EPS8: variants seen among roughly 807,000 people sequenced by gnomAD.
EPS8 encodes EGFR pathway substrate 8, signaling adaptor, also known as epidermal growth factor receptor kinase substrate 8.
A neutral mutation model predicts 103.8 loss-of-function variants in EPS8; 42 were observed. That is an observed-to-expected ratio of 0.40 (90% CI 0.32 to 0.52). EPS8 has a LOEUF of 0.52. Among genes scored for constraint, EPS8 ranks in the 20% least tolerant of loss-of-function variants. EPS8 has a pLI of 0.40. For synonymous variants in EPS8, 344 were observed against 344.6 expected (o/e 1.00, Z 0.02); for missense variants, 969 against 1,005.1 (o/e 0.96, Z 0.49).
intron 1 of EPS8, among the ~76,000 whole-genome samples, chr12:15,699,866 T>C (rs1260844495): frequency 1.3e-5 from 2 of 152,170 alleles, no homozygotes; most frequent in African/African-American, 4.8e-5. Flanking sequence ...TTTAAAAGTC[T>C]TCCCTTAGGC....
In EPS8 at chr12:15,748,060, C is replaced by T. The variant is rs1946894079; in HGVS notation, c.-22+41101G>A. On this transcript the variant is annotated intron_variant, in intron 1 of 20. Transcript: ENST00000281172. This position sits in a 1 kb window ranked among gnomAD's most constrained non-coding sequence, Gnocchi z 4.8. ...AACAAAACAAAAAAAAGTAATGCCT[C>T]ATGCATGCAAAAAAGGCAGAGAATT... is the stretch of plus-strand genomic sequence containing the variant. 2.0e-5 allele frequency among the ~76,000 whole-genome samples: 3 copies of T among 151,992 alleles called. No homozygotes were observed. The highest frequency in any genetic ancestry group is 4.8e-5 in the African/African-American group (2 of 41,374).
In EPS8 at chr12:15,764,692, C is replaced by T. The variant is rs778555553; in HGVS notation, c.-22+24469G>A. On this transcript the variant is annotated intron_variant, in intron 1 of 20. Coordinates refer to ENST00000281172, the MANE Select transcript of EPS8 (RefSeq NM_004447.6). This position sits in a 1 kb window ranked among gnomAD's most constrained non-coding sequence, Gnocchi z 4.1. ...CTTTTCAGTCAATAACTATGTCTGA[C>T]GTCAGCAATTCTGAGGTGCTAGATC... Among the ~76,000 whole-genome samples the T allele has an allele frequency of 1.3e-5, 2 of 152,124 alleles. No homozygotes were observed. Among genetic ancestry groups the T allele is most frequent in the African/African-American group, 2.4e-5 (1 of 41,424 alleles).
intron 4 of EPS8, 80 bp from the exon 5 acceptor site, chr12:15,669,905 A>G (rs1945786097): frequency 9.0e-7 from 1 of 1,109,910 alleles, no homozygotes; most frequent in African/African-American, 1.6e-5. Context: ...TCCAAAAGAA[A>G]ATCAAATAAC....
rs1315190603 is a variant in EPS8 at position 15,780,630 on chromosome 12, C to G, written c.-22+8531G>C. The G allele has an allele frequency of 6.6e-6, 1 of 152,080 alleles. No homozygotes were observed. Among genetic ancestry groups the G allele is most frequent in the Non-Finnish European group, 1.5e-5 (1 of 68,086 alleles). The allele number at this position is 152,080 out of a possible 1,614,324, so 9.4% of individuals were successfully genotyped here. ...AAACCAAGGCAGATAAGGTCTGATT[C>G]CAAAGTCCATTGTTTGTTTGTTTTT... is the stretch of plus-strand genomic sequence containing the variant. On this transcript the variant is annotated intron_variant, in intron 1 of 20. Transcript: ENST00000281172. This position sits in a 1 kb window ranked among gnomAD's most constrained non-coding sequence, Gnocchi z 4.1.
chr12:15,787,535 A>G lies in EPS8; in HGVS notation c.-22+1626T>C, dbSNP rs1286999443. Among the ~76,000 whole-genome samples, 1 of 152,232 alleles carries G rather than the reference A, an allele frequency of 6.6e-6. No individual in the cohort carries two copies. Among genetic ancestry groups the G allele is most frequent in the African/African-American group, 2.4e-5 (1 of 41,464 alleles). On this transcript the variant is annotated intron_variant, in intron 1 of 20. Transcript: ENST00000281172. This position sits in a 1 kb window ranked among gnomAD's most constrained non-coding sequence, Gnocchi z 4.9. ...ATAAGTTAAATTACACTTACTGGAA[A>G]TTACTATATAATATTCAATGACATT...
intron 1 of EPS8, among the ~76,000 whole-genome samples, chr12:15,707,672 T>C (rs756734640): frequency 6.6e-5 from 10 of 152,212 alleles, no homozygotes; most frequent in African/African-American, 1.4e-4. Flanking sequence ...TAGTGATTTA[T>C]GCTCATGATC....
Position 15,772,920 on chromosome 12 carries a change from C to G in EPS8, c.-22+16241G>C, listed in dbSNP as rs1441408885. On this transcript the variant is annotated intron_variant, in intron 1 of 20. Transcript: ENST00000281172. This position sits in a 1 kb window ranked among gnomAD's most constrained non-coding sequence, Gnocchi z 5.0. Reference sequence around the variant, plus strand: ...TCCTCAAAGAGTTTACAGGTAAATGCTACAGCAAAATCAAGTAAAAACTAA... The same window carrying G: ...TCCTCAAAGAGTTTACAGGTAAATGGTACAGCAAAATCAAGTAAAAACTAA... Among the ~76,000 whole-genome samples, 1 of 152,104 alleles carries G rather than the reference C, an allele frequency of 6.6e-6. No homozygotes were observed. The highest frequency in any genetic ancestry group is 1.5e-5 in the Non-Finnish European group (1 of 68,010).
chr12:15,665,864 G>A lies in EPS8; in HGVS notation c.628C>T (p.Pro210Ser). 1 of 1,613,822 alleles carries A rather than the reference G, an allele frequency of 6.2e-7. No homozygotes were observed. The highest frequency in any genetic ancestry group is 8.5e-7 in the Non-Finnish European group (1 of 1,179,888). Reference protein sequence around the residue: ...RMISNADPSIPPPPRAPAPAP... With the variant: ...RMISNADPSISPPPRAPAPAP... ...GGGGCAGGAGCTCTGGGTGGAGGCG[G>A]TATACTAGGGTCTGCATTGGAAATC... Residue 210 changes from proline (P) to serine (S), a missense_variant, in exon 8 of 21, where the codon CCG becomes TCG. Pro to Ser is a moderately conservative substitution (Grantham distance 74). Coordinates refer to ENST00000281172, the MANE Select transcript of EPS8 (RefSeq NM_004447.6).
At chr12:15,654,492 AT>A (rs1945473450) in intron 12 of EPS8, 199 bp from the exon 13 acceptor site, 1 of 584,542 alleles carries the variant, frequency 1.7e-6, no homozygotes. Flanking sequence ...TAAAACCTAA[AT>A]GAAAGTTAAC....
At chr12:15,710,300 T>A (rs1422306532) in intron 1 of EPS8, among the ~76,000 whole-genome samples, 1 of 152,208 alleles carries the variant, frequency 6.6e-6, no homozygotes. Context: ...ATCAGAATAA[T>A]ATAATTGGCA....
chr12:15,714,390 C>T lies in EPS8; in HGVS notation c.-21-31418G>A, dbSNP rs1946504806. On this transcript the variant is annotated intron_variant, in intron 1 of 20. Transcript: ENST00000281172. The surrounding 1 kb of genome is among the most constrained non-coding windows in gnomAD (Gnocchi z 4.1). ...GTACAGTGGCTCACACCTGTAATCC[C>T]AGCTCTTTGATAGGCCACGGGTGGG... Among the ~76,000 whole-genome samples, 1 of 152,160 alleles carries T rather than the reference C, an allele frequency of 6.6e-6. No homozygotes were observed. Among genetic ancestry groups the T allele is most frequent in the South Asian group, 2.1e-4 (1 of 4,832 alleles).
chr12:15,678,567 G>C (rs1209128105), intron 3 of EPS8, among the ~76,000 whole-genome samples: 5 of 152,060 alleles, frequency 3.3e-5, no homozygotes, highest in Non-Finnish European at 7.4e-5. Flanking sequence ...ATGTGACTTT[G>C]ATAATCATCT....
chr12:15,655,424 C>T (rs1347763343), intron 12 of EPS8, among the ~76,000 whole-genome samples: 1 of 152,196 alleles, frequency 6.6e-6, no homozygotes, highest in African/African-American at 2.4e-5. Context: ...TATGGCTTTT[C>T]AGTTTCCCCT....
intron 17 of EPS8, among the ~76,000 whole-genome samples, chr12:15,637,059 T>C (rs1023369846): frequency 6.6e-6 from 1 of 152,258 alleles, no homozygotes; most frequent in Non-Finnish European, 1.5e-5. Context: ...TCTCGCTCTG[T>C]CGCCAGGCTG....
chr12:15,652,085 T>C (rs1447638169), intron 13 of EPS8, among the ~76,000 whole-genome samples: 1 of 152,170 alleles, frequency 6.6e-6, no homozygotes, highest in East Asian at 1.9e-4. Context: ...AATCATAACC[T>C]ATATAAATCT....
rs1444581373 is a variant in EPS8, at chr12:15,717,404, T to C, written c.-21-34432A>G. Among the ~76,000 whole-genome samples, 2 of 152,098 alleles carry C rather than the reference T, an allele frequency of 1.3e-5. No homozygotes were observed. The highest frequency in any genetic ancestry group is 4.8e-5 in the African/African-American group (2 of 41,406). On this transcript the variant is annotated intron_variant, in intron 1 of 20. Transcript: ENST00000281172. This position sits in a 1 kb window ranked among gnomAD's most constrained non-coding sequence, Gnocchi z 4.3. Reference sequence around the variant, plus strand: ...GAGTTCAAGACCAGCCTGGGCAACATGGTGAAACCCCATCTCTACTAAAAA... The same window carrying C: ...GAGTTCAAGACCAGCCTGGGCAACACGGTGAAACCCCATCTCTACTAAAAA...
intron 12 of EPS8, among the ~76,000 whole-genome samples, chr12:15,656,896 A>G (rs1183613030): frequency 6.6e-6 from 1 of 152,138 alleles, no homozygotes; most frequent in Non-Finnish European, 1.5e-5. Flanking sequence ...TATCCAATCT[A>G]GCAGCAAATT....
chr12:15,648,370 T>C (rs1178126411), intron 14 of EPS8, among the ~76,000 whole-genome samples: 2 of 152,216 alleles, frequency 1.3e-5, no homozygotes, highest in African/African-American at 2.4e-5. Flanking sequence ...GGGCAAAATA[T>C]TGAAACTGGG....
In EPS8 at chr12:15,781,088, T is replaced by C. The variant is rs1591939695; in HGVS notation, c.-22+8073A>G. 6.6e-6 allele frequency among the ~76,000 whole-genome samples: 1 copy of C among 152,200 alleles called. No individual in the cohort carries two copies. Among genetic ancestry groups the C allele is most frequent in the Non-Finnish European group, 1.5e-5 (1 of 68,026 alleles). On this transcript the variant is annotated intron_variant, in intron 1 of 20. Transcript: ENST00000281172. This position sits in a 1 kb window ranked among gnomAD's most constrained non-coding sequence, Gnocchi z 4.1. ...ACTAGCTAATGCTACCATTATTTGC[T>C]TTATTTTGTCTAATTCCCCACAAAT...
Sources: gnomAD v4.1 joint callset for allele counts (sites outside exome capture counted in the v4.1 genomes callset) on GRCh38, gnomAD v4.1.1 for gene constraint, Gnocchi (gnomAD v3.1) non-coding constraint, MANE v1.5 for transcripts, NCBI Gene and HGNC (gene_info 2026-07-23, HGNC 2026-07-21) for gene names.